Variants in TEX29 observed in about 807,000 individuals in gnomAD.
The protein encoded by TEX29 is testis-expressed protein 29.
TEX29 carries 26 observed loss-of-function variants against 18.2 expected under a neutral mutation model. The observed-to-expected ratio is 1.43, with a 90% CI of 1.04 to 1.98. The LOEUF (loss-of-function observed/expected upper bound fraction) is 1.98. Ranked by LOEUF, TEX29 falls within the 30% of genes most tolerant of loss-of-function variation. The pLI, the probability that TEX29 is intolerant of heterozygous loss-of-function variation, is 0.00. For missense variants in TEX29, 177 were observed against 194.2 expected (o/e 0.91, Z 0.53); for synonymous variants, 83 against 78.5 (o/e 1.06, Z -0.31).
At position 111,333,904 on chromosome 13, in the gene TEX29, T is replaced by G. The variant is rs185007160; in HGVS notation, c.169+5611T>G. Among the ~76,000 whole-genome samples, 5 of 152,348 alleles carry G rather than the reference T, an allele frequency of 3.3e-5. No individual in the cohort carries two copies. The East Asian group carries it at 9.6e-4, about 29-fold the overall frequency. On this transcript the variant is annotated intron_variant, in intron 3 of 5. Coordinates refer to ENST00000283547, the MANE Select transcript of TEX29 (RefSeq NM_152324.3). Reference sequence around the variant, plus strand: ...CCCACCAGGTCCCTCGCTTGACATGTGAGAATTACAATTCGAGATGAGATT... The same window carrying G: ...CCCACCAGGTCCCTCGCTTGACATGGGAGAATTACAATTCGAGATGAGATT...
chr13:111,320,967 A>AGGGG lies in TEX29; in HGVS notation c.58+22_58+25dup. Reference sequence around the variant, plus strand: ...TTCACAGGTATGGAGGGAAGGCGCCAGGGGGGCGGGTGGGGTGGGGGAGCA... The same window carrying AGGGG: ...TTCACAGGTATGGAGGGAAGGCGCCAGGGGGGGGGGCGGGTGGGGTGGGGGAGCA... On this transcript the variant is annotated intron_variant, in intron 2 of 5. Transcript: ENST00000283547. 1 of 220,266 alleles carries AGGGG rather than the reference A, an allele frequency of 4.5e-6. No individual in the cohort carries two copies. Among genetic ancestry groups the AGGGG allele is most frequent in the Non-Finnish European group, 7.5e-6 (1 of 133,006 alleles). 13.6% of individuals were successfully genotyped at this position (220,266 alleles called of 1,614,324 possible). A position where few individuals can be genotyped will look rare whatever the true frequency, so the allele number is the denominator to read the frequency against.
At chr13:111,319,358 A>T (rs1208293637), upstream of TEX29, among the ~76,000 whole-genome samples, 2 of 152,236 alleles carry the variant, frequency 1.3e-5, no homozygotes, top group Non-Finnish European at 2.9e-5. Context: ...GAAATGTGGC[A>T]TGTCCCTGCA....
intron 5 of TEX29, among the ~76,000 whole-genome samples, chr13:111,343,291 G>A (rs538616751): frequency 7.9e-5 from 12 of 152,230 alleles, no homozygotes; most frequent in Admixed American, 1.3e-4. Context: ...CCTGTGGGGA[G>A]GCTGCAGGGC....
At chr13:111,341,892 C>G (rs148126188) in intron 4 of TEX29, among the ~76,000 whole-genome samples, 303 of 152,308 alleles carry the variant, frequency 2.0e-3, no homozygotes, top group Middle Eastern at 0.01. Flanking sequence ...GACGCAGCAT[C>G]GAGGGGGTCC....
chr13:111,318,739 G>A (rs1053805373), upstream of TEX29, among the ~76,000 whole-genome samples: 1 of 152,226 alleles, frequency 6.6e-6, no homozygotes, highest in Non-Finnish European at 1.5e-5. Context: ...CTGCCTGGGA[G>A]CCTGCACGCA....
chr13:111,334,890 T>A (rs559346611), intron 3 of TEX29, among the ~76,000 whole-genome samples: 2 of 152,194 alleles, frequency 1.3e-5, no homozygotes, highest in Non-Finnish European at 2.9e-5. Flanking sequence ...CTGCAGTGGC[T>A]GCCAGGCTGC....
intron 2 of TEX29, among the ~76,000 whole-genome samples, chr13:111,326,219 C>T (rs7998917): frequency 7.1e-6 from 1 of 139,900 alleles, no homozygotes; most frequent in African/African-American, 2.6e-5. Context: ...GCAGTGTGAG[C>T]CTGTCTGGTG....
intron 2 of TEX29, among the ~76,000 whole-genome samples, chr13:111,326,953 G>A (rs1433057882): frequency 6.6e-6 from 1 of 152,136 alleles, no homozygotes; most frequent in Non-Finnish European, 1.5e-5. Context: ...TGCATAGAAC[G>A]TGGGGGACCA....
intron 2 of TEX29, among the ~76,000 whole-genome samples, chr13:111,323,171 A>C (rs1485957718): frequency 6.6e-6 from 1 of 152,152 alleles, no homozygotes; most frequent in Non-Finnish European, 1.5e-5. Context: ...GGGCTTCCCC[A>C]TGTCCACACT....
intron 2 of TEX29, among the ~76,000 whole-genome samples, chr13:111,326,982 G>A (rs1248141237): frequency 1.3e-5 from 2 of 152,098 alleles, no homozygotes; most frequent in Non-Finnish European, 2.9e-5. Context: ...GCCACAGCCC[G>A]AGACCAGTCA....
chr13:111,324,729 C>T (rs924293447), intron 2 of TEX29, among the ~76,000 whole-genome samples: 1 of 152,320 alleles, frequency 6.6e-6, no homozygotes. Context: ...ACGTTTAAAA[C>T]GATGATGCCT....
intron 2 of TEX29, among the ~76,000 whole-genome samples, chr13:111,324,182 G>A (rs1039983271): frequency 6.6e-6 from 1 of 152,186 alleles, no homozygotes; most frequent in Non-Finnish European, 1.5e-5. Context: ...ACTGTACTCA[G>A]AATCTTGTCT....
At chr13:111,332,547 A>C (rs556022278) in intron 3 of TEX29, among the ~76,000 whole-genome samples, 1 of 152,240 alleles carries the variant, frequency 6.6e-6, no homozygotes, top group South Asian at 2.1e-4. Context: ...GTTTCTGACT[A>C]AAACCTCCAG....
chr13:111,325,989 G>A (rs2093672218), intron 2 of TEX29, among the ~76,000 whole-genome samples: 1 of 152,238 alleles, frequency 6.6e-6, no homozygotes, highest in Non-Finnish European at 1.5e-5. Flanking sequence ...CTGTGCTGCT[G>A]GGGCTTCTCC....
intron 3 of TEX29, among the ~76,000 whole-genome samples, chr13:111,329,892 T>C (rs1237307220): frequency 6.6e-6 from 1 of 152,152 alleles, no homozygotes; most frequent in Admixed American, 6.5e-5. Context: ...TTGCAGCTGG[T>C]TCTCTATGCT....
At chr13:111,329,177 G>A (rs551443113) in intron 3 of TEX29, among the ~76,000 whole-genome samples, 20 of 152,218 alleles carry the variant, frequency 1.3e-4, no homozygotes, top group African/African-American at 4.3e-4. Context: ...TTTGTGCTGC[G>A]TGGGGAGGGG....
At chr13:111,340,186 A>G (rs2253701) in intron 4 of TEX29, among the ~76,000 whole-genome samples, 275 of 84,338 alleles carry the variant, frequency 3.3e-3, no homozygotes, top group Middle Eastern at 0.011. Context: ...ATCATAACCC[A>G]TGTTTAGTGA....
intron 5 of TEX29, among the ~76,000 whole-genome samples, chr13:111,343,827 CT>C (rs1391966599): frequency 6.6e-6 from 1 of 152,134 alleles, no homozygotes; most frequent in African/African-American, 2.4e-5. Context: ...GCAAATGAGG[CT>C]TTCCTGCAGG....
intron 4 of TEX29, among the ~76,000 whole-genome samples, chr13:111,342,509 G>C (rs112956458): frequency 1.5e-5 from 2 of 134,702 alleles, no homozygotes; most frequent in South Asian, 4.6e-4. Flanking sequence ...GCAGTGAGCC[G>C]TGTTTGTGCC....
Sources: gnomAD v4.1 joint callset for allele counts (sites outside exome capture counted in the v4.1 genomes callset) on GRCh38, gnomAD v4.1.1 for gene constraint, MANE v1.5 for transcripts, NCBI Gene and HGNC (gene_info 2026-07-23, HGNC 2026-07-21) for gene names.